The following JHY variants were observed in gnomAD, a reference collection of about 807,000 sequenced individuals.
The protein encoded by JHY is junctional cadherin complex regulator, also known as jhy protein homolog.
Under a neutral mutation model 78.0 loss-of-function variants are expected in JHY, and 69 were observed. That is an observed-to-expected ratio of 0.88 (90% CI 0.73 to 1.08). The LOEUF (loss-of-function observed/expected upper bound fraction) is 1.08. JHY is among the 50% of genes least tolerant of loss of function. The pLI, the probability that JHY is intolerant of heterozygous loss-of-function variation, is 0.00. For missense variants in JHY, 944 were observed against 927.8 expected (o/e 1.02, Z -0.23); for synonymous variants, 368 against 342.6 (o/e 1.07, Z -0.82).
At chr11:122,950,255 G>A (rs972400928) in intron 6 of JHY, among the ~76,000 whole-genome samples, 5 of 152,140 alleles carry the variant, frequency 3.3e-5, no homozygotes, top group Admixed American at 3.3e-4. Context: ...AGTAGGTTTT[G>A]AAGACTTGAC....
chr11:122,946,468 T>C lies in JHY; in HGVS notation c.1635-30T>C, dbSNP rs1030084684. 7 of 1,540,904 alleles carry C rather than the reference T, an allele frequency of 4.5e-6. No individual in the cohort carries two copies. The African/African-American group carries it at 8.3e-5, about 18-fold the overall frequency. ...GTCTTATGTATTTGGATTTTATTAA[T>C]AGATTTGTGCCTTTTTTTTTTTCAT... is the stretch of plus-strand genomic sequence containing the variant. On this transcript the variant is annotated intron_variant, in intron 5 of 8. Transcript: ENST00000227349.
chr11:122,898,964 C>G lies in JHY; in HGVS notation c.345-4961C>G, dbSNP rs1328581791. On this transcript the variant is annotated intron_variant, in intron 2 of 8. Transcript: ENST00000227349. This position sits in a 1 kb window ranked among gnomAD's most constrained non-coding sequence, Gnocchi z 4.4. The stretch of plus-strand genomic sequence containing the variant: ...TCCTCTCCTTTTTACATGCTGTTCC[C>G]TCAGCCTGGCATAGACTTCCTGCCC... Among the ~76,000 whole-genome samples the G allele has an allele frequency of 1.4e-5, 2 of 145,294 alleles. No homozygotes were observed. The highest frequency in any genetic ancestry group is 3.1e-5 in the Non-Finnish European group (2 of 64,444).
At chr11:122,946,434 A>G in intron 5 of JHY, 64 bp from the exon 6 acceptor site, 2 of 1,484,350 alleles carry the variant, frequency 1.3e-6, no homozygotes, top group South Asian at 1.4e-5. Flanking sequence ...AAAGACTTTT[A>G]TGCTAGATGT....
Position 122,904,336 on chromosome 11 carries a change from AC to A in JHY, c.757del (p.Gln253AsnfsTer43). 6.2e-7 allele frequency: 1 copy of A among 1,614,108 alleles called. No homozygotes were observed. The highest frequency in any genetic ancestry group is 1.1e-5 in the South Asian group (1 of 91,084). On this transcript the variant is annotated frameshift_variant, in exon 3 of 9. Coordinates refer to ENST00000227349, the MANE Select transcript of JHY (RefSeq NM_024806.4). LOFTEE classifies it high-confidence loss of function. ...SRGPRRRKSK[Q>X]HFVEKNKLTL... ...GTGGCCCTCGGCGAAGGAAATCCAA[AC>A]AACATTTTGTGGAAAAAAACAAGCT...
intron 5 of JHY, among the ~76,000 whole-genome samples, chr11:122,944,794 A>G (rs189501886): frequency 3.9e-5 from 6 of 152,056 alleles, no homozygotes; most frequent in East Asian, 3.9e-4. Flanking sequence ...GAAGAATTCA[A>G]CTCTTTGAAA....
chr11:122,960,447 C>A lies in JHY; in HGVS notation c.*1002C>A, dbSNP rs1864288071. Reference sequence around the variant, plus strand: ...GACCTTTCACACAGGGAAGCCACTCCTTGCCCCTCTACCACCTCTTCCTTC... The same window carrying A: ...GACCTTTCACACAGGGAAGCCACTCATTGCCCCTCTACCACCTCTTCCTTC... On this transcript the variant is annotated 3_prime_UTR_variant, in exon 9 of 9. Coordinates refer to ENST00000227349, the MANE Select transcript of JHY (RefSeq NM_024806.4). The A allele has an allele frequency of 4.2e-6, 1 of 235,832 alleles. No individual in the cohort carries two copies. The highest frequency in any genetic ancestry group is 2.3e-5 in the African/African-American group (1 of 43,574). 14.6% of individuals were successfully genotyped at this position (235,832 alleles called of 1,614,324 possible).
At chr11:122,946,473 T>C in intron 5 of JHY, 25 bp from the exon 6 acceptor site, 1 of 1,548,096 alleles carries the variant, frequency 6.5e-7, no homozygotes, top group Non-Finnish European at 8.7e-7. Context: ...ATTAATAGAT[T>C]TGTGCCTTTT....
chr11:122,956,990 G>C (rs1398740042), intron 7 of JHY, among the ~76,000 whole-genome samples: 3 of 152,134 alleles, frequency 2.0e-5, no homozygotes, highest in Non-Finnish European at 4.4e-5. Context: ...CTAGTGAAAG[G>C]AGATCTTCAT....
At chr11:122,925,056 T>C in intron 4 of JHY, 46 bp downstream of exon 4, 1 of 1,372,366 alleles carries the variant, frequency 7.3e-7, no homozygotes. Context: ...GCGATACTGC[T>C]GAATATAAGT....
At chr11:122,938,874 A>C (rs540981393) in intron 5 of JHY, among the ~76,000 whole-genome samples, 1 of 151,660 alleles carries the variant, frequency 6.6e-6, no homozygotes, top group East Asian at 2.0e-4. Context: ...CAGGCAGAAG[A>C]CTTGTTGGCT....
chr11:122,946,735 A>AAC lies in JHY; in HGVS notation c.1872_1873insAC (p.Gly625ThrfsTer24). 6.2e-7 allele frequency: 1 copy of AAC among 1,614,114 alleles called. No homozygotes were observed. Among genetic ancestry groups the AAC allele is most frequent in the Non-Finnish European group, 8.5e-7 (1 of 1,180,000 alleles). ...TGAAAATTAGCCGTAGCAATTCTGA[A>AAC]GGCTATCTGTTTCAACTGGAAAAGG... On this transcript the variant is annotated frameshift_variant, in exon 6 of 9. Transcript: ENST00000227349. LOFTEE classifies it high-confidence loss of function.
At position 122,935,971 on chromosome 11, in the gene JHY, T is replaced by C. The variant is rs910706079; in HGVS notation, c.1634+896T>C. 6.6e-6 allele frequency among the ~76,000 whole-genome samples: 1 copy of C among 152,202 alleles called. No homozygotes were observed. Among genetic ancestry groups the C allele is most frequent in the Non-Finnish European group, 1.5e-5 (1 of 68,022 alleles). ...TCTAAGGAGTATGAGTTCTACTGTG[T>C]TAAAATATGCACAGAAGAAAAATTT... On this transcript the variant is annotated intron_variant, in intron 5 of 8. Transcript: ENST00000227349. The surrounding 1 kb of genome is among the most constrained non-coding windows in gnomAD (Gnocchi z 4.5).
intron 2 of JHY, among the ~76,000 whole-genome samples, chr11:122,888,043 T>G (rs985056766): frequency 1.2e-4 from 4 of 34,146 alleles, no homozygotes; most frequent in Non-Finnish European, 1.9e-4. Flanking sequence ...TTCCTTCCTT[T>G]CGTCTTCCCC....
intron 7 of JHY, 39 bp from the exon 8 acceptor site, chr11:122,957,324 C>A: frequency 6.7e-7 from 1 of 1,498,076 alleles, no homozygotes; most frequent in Non-Finnish European, 8.8e-7. Context: ...AGAGAACTAG[C>A]AGCACCTGGA....
chr11:122,887,058 G>A (rs545767427), intron 2 of JHY, among the ~76,000 whole-genome samples: 1 of 152,172 alleles, frequency 6.6e-6, no homozygotes, highest in East Asian at 1.9e-4. Flanking sequence ...TACAGAAGAA[G>A]GTAAAAGCTA....
At chr11:122,912,695 C>T (rs1458590892) in intron 3 of JHY, among the ~76,000 whole-genome samples, 1 of 152,030 alleles carries the variant, frequency 6.6e-6, no homozygotes, top group Non-Finnish European at 1.5e-5. Flanking sequence ...GAGTGGATCT[C>T]ACCACTGCAC....
chr11:122,898,926 C>CA lies in JHY; in HGVS notation c.345-4998dup. 6.6e-6 allele frequency among the ~76,000 whole-genome samples: 1 copy of CA among 152,344 alleles called. No homozygotes were observed. Among genetic ancestry groups the CA allele is most frequent in the East Asian group, 1.9e-4 (1 of 5,184 alleles). On this transcript the variant is annotated intron_variant, in intron 2 of 8. Coordinates refer to ENST00000227349, the MANE Select transcript of JHY (RefSeq NM_024806.4). The surrounding 1 kb of genome is among the most constrained non-coding windows in gnomAD (Gnocchi z 4.4). Reference sequence around the variant, plus strand: ...CAGAATTTGTTCTATGAAAGCACCACATTGTCTCTGCCTCCTCTCCTTTTT... The same window carrying CA: ...CAGAATTTGTTCTATGAAAGCACCACAATTGTCTCTGCCTCCTCTCCTTTTT...
At chr11:122,889,372 T>C (rs2370797) in intron 2 of JHY, among the ~76,000 whole-genome samples, 45,959 of 152,096 alleles carry the variant, frequency 0.3, 7,331 homozygotes, top group East Asian at 0.45. Context: ...AGATCAAAAA[T>C]ATTTGGAGAA....
At chr11:122,944,009 C>T (rs1863919966) in intron 5 of JHY, among the ~76,000 whole-genome samples, 1 of 152,088 alleles carries the variant, frequency 6.6e-6, no homozygotes, top group Admixed American at 6.6e-5. Context: ...AGTTAGAGAC[C>T]AGCCTGGATA....
Sources: gnomAD v4.1 joint callset for allele counts (sites outside exome capture counted in the v4.1 genomes callset) on GRCh38, gnomAD v4.1.1 for gene constraint, Gnocchi (gnomAD v3.1) non-coding constraint, MANE v1.5 for transcripts, NCBI Gene and HGNC (gene_info 2026-07-23, HGNC 2026-07-21) for gene names.